Variants in ARAP2 observed in about 807,000 individuals in gnomAD.
ARAP2 encodes the protein arf-GAP with Rho-GAP domain, ANK repeat and PH domain-containing protein 2.
A neutral mutation model predicts 194.5 loss-of-function variants in ARAP2; 148 were observed. That is an observed-to-expected ratio of 0.76 (90% CI 0.67 to 0.87). The LOEUF is 0.87. Among genes scored for constraint, ARAP2 ranks in the 40% least tolerant of loss-of-function variants. ARAP2 has a pLI of 0.00. For synonymous variants in ARAP2, 695 were observed against 683.5 expected (o/e 1.02, Z -0.26); for missense variants, 2,128 against 1,989.7 (o/e 1.07, Z -1.32).
In ARAP2 at chr4:36,150,937, G is replaced by A; in HGVS notation, c.2860C>T (p.Leu954=). ...GTININEVIC[L]AIHKEDFYLN... ...TAGAAGTCCTCTTTGTGTATAGCCA[G>A]GCAGATAACTTCATTGATATTAATG... is the stretch of plus-strand genomic sequence containing the variant. The change falls in exon 16 of 33, where the codon CTG becomes TTG. Residue 954 remains leucine, a synonymous_variant. Coordinates refer to ENST00000303965, the MANE Select transcript of ARAP2 (RefSeq NM_015230.4). 6.2e-7 allele frequency: 1 copy of A among 1,613,108 alleles called. No homozygotes were observed. The highest frequency in any genetic ancestry group is 1.3e-5 in the African/African-American group (1 of 74,994).
intron 5 of ARAP2, among the ~76,000 whole-genome samples, chr4:36,023,504 A>T (rs1015483383): frequency 6.6e-6 from 1 of 152,114 alleles, no homozygotes; most frequent in Non-Finnish European, 1.5e-5. Flanking sequence ...AGCTGGCAGT[A>T]TGGCAGACCA....
intron 7 of ARAP2, among the ~76,000 whole-genome samples, chr4:36,192,906 G>A (rs867879252): frequency 6.6e-6 from 1 of 152,178 alleles, no homozygotes. Context: ...TGAGGCAGGA[G>A]AATCGCTGGA....
At chr4:36,240,030 C>A (rs1753220495) in intron 1 of ARAP2, among the ~76,000 whole-genome samples, 1 of 152,170 alleles carries the variant, frequency 6.6e-6, no homozygotes, top group African/African-American at 2.4e-5. Context: ...CAGGCTTCCC[C>A]ACTTTTTAAC....
Position 36,165,104 on chromosome 4 carries a change from G to C in ARAP2, c.1983C>G (p.Ala661=). The change falls in exon 11 of 33, where the codon GCC becomes GCG. Residue 661 remains alanine (A), a synonymous_variant. Coordinates refer to ENST00000303965, the MANE Select transcript of ARAP2 (RefSeq NM_015230.4). ...ITPYRSFSFT[A]ETEKEKQDWI... The stretch of plus-strand genomic sequence containing the variant: ...AGTCTTGTTTCTCCTTTTCAGTCTC[G>C]GCTGTAAAGCTGAAACAATTAACGT... 1.2e-6 allele frequency: 2 copies of C among 1,613,814 alleles called. No homozygotes were observed. The highest frequency in any genetic ancestry group is 8.5e-7 in the Non-Finnish European group (1 of 1,179,864).
chr4:36,094,122 G>C (rs953986686), intron 27 of ARAP2, among the ~76,000 whole-genome samples: 5 of 152,124 alleles, frequency 3.3e-5, no homozygotes, highest in Admixed American at 3.3e-4. Context: ...AATTATGGCT[G>C]CAGGCCAAAT....
At chr4:36,224,294 G>A (rs573434376) in intron 2 of ARAP2, among the ~76,000 whole-genome samples, 1 of 113,964 alleles carries the variant, frequency 8.8e-6, no homozygotes, top group South Asian at 2.7e-4. Flanking sequence ...TCATTCTAGA[G>A]TGAAATTAAA....
At chr4:36,182,619 G>A (rs1739554652) in intron 8 of ARAP2, among the ~76,000 whole-genome samples, 1 of 152,182 alleles carries the variant, frequency 6.6e-6, no homozygotes, top group Non-Finnish European at 1.5e-5. Flanking sequence ...CAGGAAAAAT[G>A]TGATGACAGC....
intron 5 of ARAP2, among the ~76,000 whole-genome samples, chr4:36,029,513 T>C (rs1189621577): frequency 6.6e-6 from 1 of 151,922 alleles, no homozygotes; most frequent in Non-Finnish European, 1.5e-5. Flanking sequence ...TTATTTTTAG[T>C]CTATCTTTAC....
At chr4:36,077,257 C>A (rs1728454232) in intron 31 of ARAP2, among the ~76,000 whole-genome samples, 1 of 152,076 alleles carries the variant, frequency 6.6e-6, no homozygotes, top group Non-Finnish European at 1.5e-5. Context: ...CAGACTTACC[C>A]ATACACTATG....
At chr4:36,103,504 C>T (rs2109443548) in intron 27 of ARAP2, among the ~76,000 whole-genome samples, 1 of 151,558 alleles carries the variant, frequency 6.6e-6, no homozygotes, top group South Asian at 2.1e-4. Context: ...AGCTATGACA[C>T]TGTCTAAATA....
rs73809106 is a variant in ARAP2 at position 36,133,257 on chromosome 4, C to A, written c.3396G>T (p.Val1132=). The change falls in exon 20 of 33, where the codon GTG becomes GTT. Residue 1132 remains valine (V), a synonymous_variant. Coordinates refer to ENST00000303965, the MANE Select transcript of ARAP2 (RefSeq NM_015230.4). ...GTGTAACAAATGCTATACAGCTGTT[C>A]ACTATAATGGGAACGTCATTTTTGC... is the stretch of plus-strand genomic sequence containing the variant. ...QLSKNDVPII[V]NSCIAFVTQY... is the part of the protein sequence containing the mutation. 1,550 of 1,610,944 alleles carry A rather than the reference C, an allele frequency of 9.6e-4. 15 individuals are homozygous for A. In the African/African-American group the frequency reaches 0.018, roughly 19 times the overall value.
At chr4:36,113,866 C>T (rs1174893365) in intron 26 of ARAP2, among the ~76,000 whole-genome samples, 1 of 151,966 alleles carries the variant, frequency 6.6e-6, no homozygotes. Flanking sequence ...AACAGTAATT[C>T]ATACCACTCA....
intron 1 of ARAP2, among the ~76,000 whole-genome samples, chr4:36,233,129 T>C (rs1751820291): frequency 6.6e-6 from 1 of 152,210 alleles, no homozygotes; most frequent in South Asian, 2.1e-4. Context: ...TTGTCTGACA[T>C]TTTAACTGTC....
chr4:36,225,844 C>G (rs1750183258), intron 2 of ARAP2, among the ~76,000 whole-genome samples: 1 of 152,050 alleles, frequency 6.6e-6, no homozygotes, highest in Non-Finnish European at 1.5e-5. Context: ...TTTGGTATAT[C>G]AAGGAATGCA....
At position 36,121,231 on chromosome 4, in the gene ARAP2, T is replaced by C; in HGVS notation, c.3842A>G (p.Glu1281Gly). 6.2e-7 allele frequency: 1 copy of C among 1,607,466 alleles called. No individual in the cohort carries two copies. Among genetic ancestry groups the C allele is most frequent in the Non-Finnish European group, 8.5e-7 (1 of 1,176,164 alleles). ...TAGGTCCTCAATTACATTCACTTCTTCACTAGTTTGTCCCTTCGTTTGAAA... is the reference window on the plus strand; with the variant it reads ...TAGGTCCTCAATTACATTCACTTCTCCACTAGTTTGTCCCTTCGTTTGAAA... ...CLFQTKGQTS[E>G]EVNVIEDLIN... Residue 1281 changes from glutamate to glycine, a missense_variant, in exon 23 of 33, where the codon GAA (glutamate) becomes GGA (glycine). Glu to Gly is a moderately conservative substitution (Grantham distance 98). Coordinates refer to ENST00000303965, the MANE Select transcript of ARAP2 (RefSeq NM_015230.4).
downstream of ARAP2, among the ~76,000 whole-genome samples, chr4:36,063,294 A>G (rs1046759785): frequency 9.2e-5 from 14 of 151,834 alleles, no homozygotes; most frequent in Non-Finnish European, 1.9e-4. Context: ...AACATCACAC[A>G]CTGGGGCCTG....
Position 36,239,515 on chromosome 4 carries a change from T to G in ARAP2, c.-160+4664A>C, listed in dbSNP as rs114812795. ...GAACCTTGAAGGTCATTATGCTAAG[T>G]GAAAAAACAGTCATAAAACAGACAA... On this transcript the variant is annotated intron_variant, in intron 1 of 32. Transcript: ENST00000303965. Among the ~76,000 whole-genome samples, 1,444 of 152,224 alleles carry G rather than the reference T, an allele frequency of 9.5e-3. 18 individuals carry two copies. The highest frequency in any genetic ancestry group is 0.016 in the Non-Finnish European group (1,097 of 68,002).
chr4:36,226,139 G>T (rs1044917580), intron 2 of ARAP2, among the ~76,000 whole-genome samples: 14 of 150,952 alleles, frequency 9.3e-5, no homozygotes, highest in African/African-American at 3.5e-4. Flanking sequence ...TAAGTAATCT[G>T]GCCTAAAAAT....
chr4:36,037,549 A>G (rs1187406466), intron 5 of ARAP2, among the ~76,000 whole-genome samples: 1 of 152,172 alleles, frequency 6.6e-6, no homozygotes, highest in Non-Finnish European at 1.5e-5. Context: ...ATTAAATTGC[A>G]TCTATCAAAA....
Sources: allele counts gnomAD v4.1 joint callset (sites outside exome capture counted in the v4.1 genomes callset), GRCh38; gene constraint gnomAD v4.1.1; transcripts MANE v1.5; gene names NCBI Gene and HGNC (gene_info 2026-07-23, HGNC 2026-07-21).